Variants in IL1RAPL1 observed in about 807,000 individuals in gnomAD.
IL1RAPL1 encodes the protein interleukin 1 receptor accessory protein like 1, also known as interleukin-1 receptor accessory protein-like 1.
IL1RAPL1 carries 3 observed loss-of-function variants against 48.4 expected under a neutral mutation model. That is an observed-to-expected ratio of 0.06 (90% CI 0.03 to 0.16). The LOEUF (loss-of-function observed/expected upper bound fraction) is 0.16. Ranked by LOEUF, IL1RAPL1 falls within the 10% of genes least tolerant of loss-of-function variation. IL1RAPL1 has a pLI of 1.00. For missense variants in IL1RAPL1, 349 were observed against 530.6 expected, an observed-to-expected ratio of 0.66 and a Z score of 3.36; for synonymous variants, 185 against 187.7, an observed-to-expected ratio of 0.99 and a Z score of 0.12.
chrX:29,406,645 T>G (rs2147694671), intron 5 of IL1RAPL1, among the ~76,000 whole-genome samples: 1 of 112,442 alleles, frequency 8.9e-6, no homozygotes, highest in Admixed American at 9.4e-5. Flanking sequence ...GAGTTTTACA[T>G]AAACCTTTTC....
intron 6 of IL1RAPL1, among the ~76,000 whole-genome samples, chrX:29,735,778 C>G (rs1165527172): frequency 2.7e-5 from 3 of 111,889 alleles, no homozygotes; most frequent in Non-Finnish European, 5.6e-5. Context: ...AGATATTCCA[C>G]CAATATGTCT....
intron 6 of IL1RAPL1, among the ~76,000 whole-genome samples, chrX:29,709,971 T>C (rs1043995102): frequency 1.8e-4 from 20 of 112,072 alleles, no homozygotes; most frequent in African/African-American, 5.8e-4. Flanking sequence ...TCATTGTTAC[T>C]GCATAGCAAT....
At chrX:29,840,122 A>G (rs1417533404) in intron 6 of IL1RAPL1, among the ~76,000 whole-genome samples, 1 of 111,983 alleles carries the variant, frequency 8.9e-6, no homozygotes, top group Non-Finnish European at 1.9e-5. Context: ...GATTATGGCC[A>G]TTGAAGAGGC....
intron 8 of IL1RAPL1, among the ~76,000 whole-genome samples, chrX:29,920,842 A>G (rs1336330324): frequency 1.5e-4 from 16 of 104,924 alleles, no homozygotes; most frequent in East Asian, 3.0e-4. Flanking sequence ...AGAAAAGAGA[A>G]AAAAAAAAAA....
At chrX:29,393,171 G>A (rs2147683697) in intron 3 of IL1RAPL1, among the ~76,000 whole-genome samples, 1 of 65,962 alleles carries the variant, frequency 1.5e-5, no homozygotes, top group South Asian at 5.7e-4. Context: ...TGTCGCCCAG[G>A]CTTGCAGTCT....
intron 2 of IL1RAPL1, among the ~76,000 whole-genome samples, chrX:29,217,510 A>G (rs1489455385): frequency 9.0e-6 from 1 of 111,534 alleles, no homozygotes; most frequent in Non-Finnish European, 1.9e-5. Flanking sequence ...TTATTATCTT[A>G]TTTTGTTCTT....
At chrX:29,390,296 C>G (rs1235113125) in intron 3 of IL1RAPL1, among the ~76,000 whole-genome samples, 1 of 110,863 alleles carries the variant, frequency 9.0e-6, no homozygotes, top group African/African-American at 3.3e-5. Flanking sequence ...CCACTCTGTG[C>G]TGGTTTTCAG....
At chrX:28,762,786 G>GCGCGCGCGCACACACA (rs1366464632) in intron 1 of IL1RAPL1, among the ~76,000 whole-genome samples, 4 of 63,001 alleles carry the variant, frequency 6.3e-5, no homozygotes, top group African/African-American at 2.5e-4. Flanking sequence ...GCACGCGCGC[G>GCGCGCGCGCACACACA]CACACACACA....
chrX:28,978,313 T>A (rs1925254042), intron 2 of IL1RAPL1, among the ~76,000 whole-genome samples: 1 of 111,198 alleles, frequency 9.0e-6, no homozygotes, highest in Non-Finnish European at 1.9e-5. Context: ...GACATGAGGC[T>A]AGGGAGCAAC....
chrX:29,678,327 A>C (rs1601774967), intron 6 of IL1RAPL1, among the ~76,000 whole-genome samples: 1 of 94,807 alleles, frequency 1.1e-5, no homozygotes, highest in African/African-American at 3.9e-5. Context: ...TTCACCACAC[A>C]CAAGTTCAAC....
At chrX:29,312,178 G>T (rs141377776) in intron 3 of IL1RAPL1, among the ~76,000 whole-genome samples, 6 of 111,689 alleles carry the variant, frequency 5.4e-5, no homozygotes, top group East Asian at 2.9e-4. Context: ...GGTGGCTCAC[G>T]CCTGTAATCC....
At chrX:29,679,315 C>T (rs1020111824) in intron 6 of IL1RAPL1, among the ~76,000 whole-genome samples, 2 of 111,317 alleles carry the variant, frequency 1.8e-5, no homozygotes, top group Admixed American at 9.5e-5. Flanking sequence ...GTAATGTTTC[C>T]GATGAACCTG....
chrX:29,273,645 A>G (rs1423478743), intron 2 of IL1RAPL1, among the ~76,000 whole-genome samples: 1 of 111,729 alleles, frequency 9.0e-6, no homozygotes, highest in Non-Finnish European at 1.9e-5. Context: ...GGTAGGGTGC[A>G]CATTTTTCAG....
chrX:29,901,365 G>A (rs1932493023), intron 6 of IL1RAPL1, among the ~76,000 whole-genome samples: 1 of 111,851 alleles, frequency 8.9e-6, no homozygotes, highest in Non-Finnish European at 1.9e-5. Context: ...GCCTCAAGAG[G>A]TATCAGCCAG....
At chrX:28,819,119 A>C (rs919239154) in intron 2 of IL1RAPL1, among the ~76,000 whole-genome samples, 1 of 110,993 alleles carries the variant, frequency 9.0e-6, no homozygotes, top group African/African-American at 3.3e-5. Context: ...TCCCCAGGAA[A>C]TATACCTGGA....
At chrX:29,283,571 G>T (rs767327409) in intron 3 of IL1RAPL1, among the ~76,000 whole-genome samples, 8 of 112,329 alleles carry the variant, frequency 7.1e-5, no homozygotes, top group Non-Finnish European at 1.1e-4. Context: ...GTAACATTTT[G>T]CTATTGCCCT....
chrX:29,902,735 G>A (rs1932519369), intron 6 of IL1RAPL1, among the ~76,000 whole-genome samples: 1 of 111,290 alleles, frequency 9.0e-6, no homozygotes, highest in Admixed American at 9.6e-5. Flanking sequence ...TTAACTCCAA[G>A]TTATTTGTTG....
intron 3 of IL1RAPL1, among the ~76,000 whole-genome samples, chrX:29,367,922 T>A (rs888638328): frequency 1.8e-5 from 2 of 109,836 alleles, no homozygotes; most frequent in Non-Finnish European, 3.8e-5. Context: ...TATATCTTTA[T>A]ACAAATGTAT....
chrX:28,778,208 A>G (rs1164875420), intron 1 of IL1RAPL1, among the ~76,000 whole-genome samples: 4 of 112,395 alleles, frequency 3.6e-5, no homozygotes, highest in African/African-American at 1.3e-4. Flanking sequence ...TGTAACAAAC[A>G]TCATATATTA....
Sources: allele counts gnomAD v4.1 joint callset (sites outside exome capture counted in the v4.1 genomes callset), GRCh38; gene constraint gnomAD v4.1.1; transcripts MANE v1.5; gene names NCBI Gene and HGNC (gene_info 2026-07-23, HGNC 2026-07-21).